The following ITPRID1 variants were observed in gnomAD, a reference collection of about 807,000 sequenced individuals.
ITPRID1 encodes the protein protein ITPRID1.
In ITPRID1, 96 loss-of-function variants were observed where a neutral mutation model predicts 95.4. The ratio of observed to expected loss-of-function variants is 1.01; its 90% CI spans 0.85 to 1.19. The LOEUF is 1.19. ITPRID1 is among the 50% of genes most tolerant of loss of function. ITPRID1 has a pLI of 0.00. For synonymous variants in ITPRID1, 510 were observed against 453.6 expected, an observed-to-expected ratio of 1.12 and a Z score of -1.58; for missense variants, 1,339 against 1,252.9, an observed-to-expected ratio of 1.07 and a Z score of -1.04.
rs80141854 is a variant in ITPRID1, at chr7:31,611,073, G to T, written c.1228+27882G>T. Among the ~76,000 whole-genome samples, 566 of 150,306 alleles carry T rather than the reference G, an allele frequency of 3.8e-3. 4 individuals carry two copies. Among genetic ancestry groups the T allele is most frequent in the African/African-American group, 0.013 (544 of 41,146 alleles). On this transcript the variant is annotated intron_variant, in intron 10 of 14. Coordinates refer to ENST00000615280, the MANE Select transcript of ITPRID1 (RefSeq NM_001257967.3). Reference sequence around the variant, plus strand: ...TGCATTTTTGAGTTAAACGGGTATTGTCTAGTATGCCATTTAAAATATCTT... The same window carrying T: ...TGCATTTTTGAGTTAAACGGGTATTTTCTAGTATGCCATTTAAAATATCTT...
intron 10 of ITPRID1, among the ~76,000 whole-genome samples, chr7:31,588,078 A>G (rs1213952467): frequency 6.6e-6 from 1 of 152,190 alleles, no homozygotes; most frequent in East Asian, 1.9e-4. Flanking sequence ...GATAAAATAC[A>G]CAATGCTTGA....
chr7:31,606,460 A>T (rs373684348), intron 10 of ITPRID1, among the ~76,000 whole-genome samples: 5 of 3,282 alleles, frequency 1.5e-3, no homozygotes, highest in Admixed American at 8.3e-3. Flanking sequence ...AAAGAAAACG[A>T]GAGAGAGAGA....
chr7:31,598,024 A>G (rs1366261242), intron 10 of ITPRID1, among the ~76,000 whole-genome samples: 6 of 152,232 alleles, frequency 3.9e-5, no homozygotes, highest in African/African-American at 1.2e-4. Flanking sequence ...AAGGATAAAC[A>G]TAACTGAGAC....
chr7:31,548,978 A>G (rs1195752829), intron 1 of ITPRID1, among the ~76,000 whole-genome samples: 1 of 152,112 alleles, frequency 6.6e-6, no homozygotes, highest in Non-Finnish European at 1.5e-5. Context: ...GCAAGCCTGG[A>G]CACTATTTGA....
At chr7:31,549,052 G>T (rs1433711024) in intron 1 of ITPRID1, among the ~76,000 whole-genome samples, 1 of 152,124 alleles carries the variant, frequency 6.6e-6, no homozygotes, top group Non-Finnish European at 1.5e-5. Context: ...TGTAGACAGG[G>T]TGTTAGAGAT....
chr7:31,545,289 G>A (rs1784060777), intron 1 of ITPRID1, among the ~76,000 whole-genome samples: 1 of 152,082 alleles, frequency 6.6e-6, no homozygotes, highest in Non-Finnish European at 1.5e-5. Flanking sequence ...CCAGAATATG[G>A]TGTCCATGAA....
rs1791255328 is a variant in ITPRID1, at chr7:31,655,478, T to A, written c.*2649T>A. The stretch of plus-strand genomic sequence containing the variant: ...AGGTTGGGCTCTCTCAGCCACCATG[T>A]GGGTCATATTTGCTGGATCTACAGT... On this transcript the variant is annotated 3_prime_UTR_variant, in exon 15 of 15. Coordinates refer to ENST00000615280, the MANE Select transcript of ITPRID1 (RefSeq NM_001257967.3). Among the ~76,000 whole-genome samples, 2 of 152,200 alleles carry A rather than the reference T, an allele frequency of 1.3e-5. No individual in the cohort carries two copies. The highest frequency in any genetic ancestry group is 2.9e-5 in the Non-Finnish European group (2 of 68,032).
At chr7:31,628,539 G>C (rs1230397479) in intron 10 of ITPRID1, among the ~76,000 whole-genome samples, 2 of 150,968 alleles carry the variant, frequency 1.3e-5, no homozygotes, top group East Asian at 3.9e-4. Context: ...CTCACTGCAA[G>C]CTCTGCTTCC....
At chr7:31,575,477 G>A (rs1410919281) in intron 8 of ITPRID1, among the ~76,000 whole-genome samples, 1 of 152,176 alleles carries the variant, frequency 6.6e-6, no homozygotes, top group Non-Finnish European at 1.5e-5. Context: ...TCTTGAGGGT[G>A]CCTGTACTGT....
chr7:31,639,543 T>TTG (rs200488605), intron 10 of ITPRID1, among the ~76,000 whole-genome samples: 555 of 50,470 alleles, frequency 0.011, 17 homozygotes, highest in African/African-American at 0.041. Flanking sequence ...TTTTTGTTTT[T>TTG]TTTTTTTTTT....
intron 10 of ITPRID1, among the ~76,000 whole-genome samples, chr7:31,611,321 A>G (rs1786858770): frequency 6.6e-6 from 1 of 151,622 alleles, no homozygotes; most frequent in South Asian, 2.1e-4. Flanking sequence ...CCATTTTATA[A>G]TTATTGCTTT....
Position 31,578,110 on chromosome 7 carries a change from A to C in ITPRID1, c.846A>C (p.Glu282Asp). ...EVSESFKVKD[E>D]VFVPFTKPWD... The stretch of plus-strand genomic sequence containing the variant: ...CAGAGTCCTTCAAGGTGAAGGATGA[A>C]GTTTTTGTTCCCTTTACAAAACCAT... The change falls in exon 9 of 15, where the codon GAA (glutamate) becomes GAC (aspartate). Residue 282 changes from glutamate (E) to aspartate (D), a missense_variant. Transcript: ENST00000615280. The C allele has an allele frequency of 6.2e-7, 1 of 1,613,702 alleles. No homozygotes were observed. Among genetic ancestry groups the C allele is most frequent in the Non-Finnish European group, 8.5e-7 (1 of 1,179,790 alleles).
At chr7:31,562,044 TAAAAAAAAA>T (rs33912394) in intron 5 of ITPRID1, among the ~76,000 whole-genome samples, 82 of 52,550 alleles carry the variant, frequency 1.6e-3, no homozygotes, top group African/African-American at 4.3e-3. Flanking sequence ...GCTATGTATT[TAAAAAAAAA>T]AAAAAAAAAA....
At chr7:31,568,061 G>GTT (rs1784861485) in intron 5 of ITPRID1, among the ~76,000 whole-genome samples, 2 of 151,498 alleles carry the variant, frequency 1.3e-5, no homozygotes, top group Non-Finnish European at 2.9e-5. Context: ...GGGAGGCAGA[G>GTT]TTTGCAGTGA....
intron 2 of ITPRID1, among the ~76,000 whole-genome samples, chr7:31,550,446 G>A (rs1442799638): frequency 6.6e-6 from 1 of 152,116 alleles, no homozygotes; most frequent in East Asian, 1.9e-4. Flanking sequence ...AGACTAACTA[G>A]AGAAGTCTGC....
chr7:31,598,210 TAAAC>T (rs1441724958), intron 10 of ITPRID1, among the ~76,000 whole-genome samples: 2 of 152,030 alleles, frequency 1.3e-5, no homozygotes, highest in Non-Finnish European at 2.9e-5. Flanking sequence ...AACAATTTCT[TAAAC>T]AGGACACAAA....
chr7:31,620,192 C>T (rs1181919900), intron 10 of ITPRID1, among the ~76,000 whole-genome samples: 2 of 152,074 alleles, frequency 1.3e-5, no homozygotes, highest in Admixed American at 6.5e-5. Flanking sequence ...CACAGACAAA[C>T]AAAAAGACAG....
At chr7:31,629,266 T>C (rs988762286) in intron 10 of ITPRID1, among the ~76,000 whole-genome samples, 2 of 119,640 alleles carry the variant, frequency 1.7e-5, no homozygotes, top group African/African-American at 3.0e-5. Context: ...AAAGAAGATA[T>C]GTGTGTTTAA....
chr7:31,514,585 G>A (rs899516856), intron 1 of ITPRID1, among the ~76,000 whole-genome samples: 2 of 152,098 alleles, frequency 1.3e-5, no homozygotes, highest in African/African-American at 4.8e-5. Flanking sequence ...GAGTCCAGCA[G>A]GTAAGTACAG....
Sources: allele counts gnomAD v4.1 joint callset (sites outside exome capture counted in the v4.1 genomes callset), GRCh38; gene constraint gnomAD v4.1.1; transcripts MANE v1.5; gene names NCBI Gene and HGNC (gene_info 2026-07-23, HGNC 2026-07-21).